Variants in ADAP1 observed in about 807,000 individuals in gnomAD.
ADAP1 encodes the protein arf-GAP with dual PH domain-containing protein 1.
A neutral mutation model predicts 54.9 loss-of-function variants in ADAP1; 31 were observed. The observed-to-expected ratio is 0.56, with a 90% CI of 0.42 to 0.76. The LOEUF (loss-of-function observed/expected upper bound fraction) is 0.76. Ranked by LOEUF, ADAP1 falls within the 30% of genes least tolerant of loss-of-function variation. ADAP1 has a pLI of 0.00. For synonymous variants in ADAP1, 313 were observed against 202.6 expected, an observed-to-expected ratio of 1.55 and a Z score of -4.63; for missense variants, 535 against 512.4, an observed-to-expected ratio of 1.04 and a Z score of -0.42.
intron 1 of ADAP1, among the ~76,000 whole-genome samples, chr7:943,932 T>A (rs186997886): frequency 1.3e-5 from 2 of 151,874 alleles, no homozygotes; most frequent in African/African-American, 4.8e-5. Flanking sequence ...ATTATTATTA[T>A]TGAGACAGGG....
At position 911,815 on chromosome 7, in the gene ADAP1, G is replaced by A. The variant is rs542383525; in HGVS notation, c.389-6643C>T. Among the ~76,000 whole-genome samples, 962 of 150,734 alleles carry A rather than the reference G, an allele frequency of 6.4e-3. 7 individuals carry two copies. Among genetic ancestry groups the A allele is most frequent in the Admixed American group, 9.4e-3 (142 of 15,172 alleles). Reference sequence around the variant, plus strand: ...ACGGAGGGCCAGGAAGGGGGCGGGGGACCCACGGAGGGCCAGGAGCCGACA... The same window carrying A: ...ACGGAGGGCCAGGAAGGGGGCGGGGAACCCACGGAGGGCCAGGAGCCGACA... On this transcript the variant is annotated intron_variant, in intron 4 of 10. Coordinates refer to ENST00000265846, the MANE Select transcript of ADAP1 (RefSeq NM_006869.4).
intron 8 of ADAP1, 152 bp downstream of exon 8, chr7:899,950 G>A (rs1844705156): frequency 8.3e-6 from 8 of 961,352 alleles, no homozygotes; most frequent in Admixed American, 2.0e-5. Context: ...GAGTCCTCGG[G>A]GACCCCGGCC....
chr7:898,727 G>A lies in ADAP1; in HGVS notation c.*194C>T, dbSNP rs1844626579. On this transcript the variant is annotated 3_prime_UTR_variant, in exon 11 of 11. Transcript: ENST00000265846. ...TGACGGGGTTAGAGATCAGGCCCAGGGCCTGGGCTGCCTGCCTTGAGGTTC... is the reference window on the plus strand; with the variant it reads ...TGACGGGGTTAGAGATCAGGCCCAGAGCCTGGGCTGCCTGCCTTGAGGTTC... 2 of 693,886 alleles carry A rather than the reference G, an allele frequency of 2.9e-6. No individual in the cohort carries two copies. Among genetic ancestry groups the A allele is most frequent in the Admixed American group, 2.5e-5 (1 of 40,742 alleles). The allele number at this position is 693,886 out of a possible 1,614,324, so 43.0% of individuals were successfully genotyped here.
At chr7:916,491 G>A (rs1024560896) in intron 4 of ADAP1, among the ~76,000 whole-genome samples, 2 of 152,186 alleles carry the variant, frequency 1.3e-5, no homozygotes, top group Non-Finnish European at 1.5e-5. Flanking sequence ...GTGAGGCCAC[G>A]TGCCACCTTG....
chr7:904,591 C>T (rs1845001355), intron 5 of ADAP1, among the ~76,000 whole-genome samples: 1 of 152,228 alleles, frequency 6.6e-6, no homozygotes, highest in Admixed American at 6.5e-5. Flanking sequence ...GCCACCAGCC[C>T]ACCTCCAGCC....
At chr7:954,965 G>C (rs184057672), upstream of ADAP1, among the ~76,000 whole-genome samples, 10 of 152,146 alleles carry the variant, frequency 6.6e-5, no homozygotes, top group African/African-American at 1.2e-4. Flanking sequence ...TGTGGGGGGC[G>C]CAGAGGGCAC....
chr7:927,123 G>C (rs1002176209), intron 2 of ADAP1: 4 of 1,303,922 alleles, frequency 3.1e-6, no homozygotes, highest in Admixed American at 2.3e-5. Context: ...GAGAGACCCA[G>C]ATGTGGCTAG....
In ADAP1 at chr7:920,633, C is replaced by A. The variant is rs575330424; in HGVS notation, c.306-583G>T. Reference sequence around the variant, plus strand: ...GCGTCCGGGGCATCAGGAGAAACTACCGGCAAATACCCAAGAATCCAGGAA... The same window carrying A: ...GCGTCCGGGGCATCAGGAGAAACTAACGGCAAATACCCAAGAATCCAGGAA... On this transcript the variant is annotated intron_variant, in intron 3 of 10. Transcript: ENST00000265846. The surrounding 1 kb of genome is among the most constrained non-coding windows in gnomAD (Gnocchi z 4.5). 9 of 674,946 alleles carry A rather than the reference C, an allele frequency of 1.3e-5. No homozygotes were observed. In the Middle Eastern group the frequency reaches 1.2e-3, roughly 90 times the overall value. The allele number at this position is 674,946 out of a possible 1,614,324, so 41.8% of individuals were successfully genotyped here.
At chr7:931,940 C>T (rs1031188929) in intron 2 of ADAP1, among the ~76,000 whole-genome samples, 2 of 152,190 alleles carry the variant, frequency 1.3e-5, no homozygotes, top group African/African-American at 4.8e-5. Flanking sequence ...TGACCACCAG[C>T]CCAGGAATGG....
intron 4 of ADAP1, among the ~76,000 whole-genome samples, chr7:906,471 A>AGAAAGG (rs1845346857): frequency 1.2e-5 from 1 of 82,288 alleles, no homozygotes; most frequent in Non-Finnish European, 2.6e-5. Context: ...AGGAGAAAGG[A>AGAAAGG]GAAAGGAGAA....
At chr7:906,488 AAGGGAAAGGAGAAAG>A (rs1317559295) in intron 4 of ADAP1, among the ~76,000 whole-genome samples, 17 of 81,318 alleles carry the variant, frequency 2.1e-4, no homozygotes, top group Non-Finnish European at 4.0e-4. Context: ...AGAAAGGAGA[AAGGGAAAGGAGAAAG>A]GGAGAAAGGA....
intron 3 of ADAP1, chr7:923,223 A>G (rs770914064): frequency 1.3e-5 from 2 of 151,882 alleles, no homozygotes; most frequent in Non-Finnish European, 2.9e-5. Flanking sequence ...AGCCCCAGAC[A>G]TGCATGCAGA....
chr7:947,688 C>T (rs563022080), intron 1 of ADAP1, among the ~76,000 whole-genome samples: 1 of 152,172 alleles, frequency 6.6e-6, no homozygotes, highest in Non-Finnish European at 1.5e-5. Flanking sequence ...TAGGCCTAGC[C>T]ACCGCCACCC....
chr7:900,842 A>G, intron 6 of ADAP1: 1 of 643,692 alleles, frequency 1.6e-6, no homozygotes, highest in Non-Finnish European at 2.9e-6. Flanking sequence ...GGGCAGGTGC[A>G]GCCTCCCCCG....
At chr7:940,150 G>T (rs1846903052) in intron 1 of ADAP1, among the ~76,000 whole-genome samples, 1 of 152,156 alleles carries the variant, frequency 6.6e-6, no homozygotes, top group South Asian at 2.1e-4. Context: ...ACAGCCTACT[G>T]GGGAGGGCTC....
intron 4 of ADAP1, among the ~76,000 whole-genome samples, chr7:919,087 G>A (rs994291138): frequency 1.6e-4 from 24 of 152,176 alleles, no homozygotes; most frequent in Non-Finnish European, 1.0e-4. Flanking sequence ...CCACAGCCCC[G>A]CCAGCCCACG....
chr7:912,347 G>A (rs923584799), intron 4 of ADAP1, among the ~76,000 whole-genome samples: 3 of 152,190 alleles, frequency 2.0e-5, no homozygotes, highest in South Asian at 2.1e-4. Context: ...GGGCCAGCCC[G>A]CGGTGGGAGC....
At position 926,470 on chromosome 7, in the gene ADAP1, C is replaced by G. The variant is rs915293550; in HGVS notation, c.305+83G>C. 8.2e-5 allele frequency: 103 copies of G among 1,248,988 alleles called. No individual in the cohort carries two copies. Among genetic ancestry groups the G allele is most frequent in the Non-Finnish European group, 1.1e-4 (100 of 927,988 alleles). The allele number at this position is 1,248,988 out of a possible 1,614,324, so 77.4% of individuals were successfully genotyped here. On this transcript the variant is annotated intron_variant, in intron 3 of 10. Transcript: ENST00000265846. The surrounding 1 kb of genome is among the most constrained non-coding windows in gnomAD (Gnocchi z 4.6). Reference sequence around the variant, plus strand: ...CGACCCTGTGGGCGGCACCCAACTCCCCACCCTGCCGGGTCCTCCCGGGGC... The same window carrying G: ...CGACCCTGTGGGCGGCACCCAACTCGCCACCCTGCCGGGTCCTCCCGGGGC...
At chr7:927,295 C>T in intron 2 of ADAP1, 1 of 1,197,280 alleles carries the variant, frequency 8.4e-7, no homozygotes, top group Non-Finnish European at 1.1e-6. Context: ...GTCACGCACA[C>T]TGTGCTCCTG....
Sources: allele counts gnomAD v4.1 joint callset (sites outside exome capture counted in the v4.1 genomes callset), GRCh38; gene constraint gnomAD v4.1.1; non-coding constraint Gnocchi (gnomAD v3.1); transcripts MANE v1.5; gene names NCBI Gene and HGNC (gene_info 2026-07-23, HGNC 2026-07-21).